The following CFI variants were observed in gnomAD, a reference collection of about 807,000 sequenced individuals.
CFI encodes C3B/C4B inactivator.
Under a neutral mutation model 78.8 loss-of-function variants are expected in CFI, and 66 were observed. The ratio of observed to expected loss-of-function variants is 0.84; its 90% CI spans 0.69 to 1.03. The LOEUF is 1.03. Among genes scored for constraint, CFI ranks in the 50% least tolerant of loss-of-function variants. The pLI is 0.00. For missense variants in CFI, 706 were observed against 704.5 expected, an observed-to-expected ratio of 1.00 and a Z score of -0.02; for synonymous variants, 250 against 232.6, an observed-to-expected ratio of 1.07 and a Z score of -0.68.
chr4:109,734,511 T>C, the CFI span, among the ~76,000 whole-genome samples: 1 of 152,088 alleles, frequency 6.6e-6, no homozygotes, highest in African/African-American at 2.4e-5. Context: ...GAATTAGAAA[T>C]GGCGATTACA....
chr4:109,752,278 A>G (rs1457614990), intron 8 of CFI, among the ~76,000 whole-genome samples, 190 bp downstream of exon 8: 1 of 152,208 alleles, frequency 6.6e-6, no homozygotes, highest in East Asian at 1.9e-4. Flanking sequence ...TTTAAAAGCA[A>G]TTCTCAAGAA....
intron 1 of CFI, among the ~76,000 whole-genome samples, chr4:109,772,099 A>G (rs1447867778): frequency 1.3e-5 from 2 of 152,284 alleles, no homozygotes; most frequent in African/African-American, 4.8e-5. Flanking sequence ...GTAAAGGATA[A>G]CACGAACACA....
chr4:109,764,717 C>A, intron 2 of CFI, 27 bp from the exon 3 acceptor site: 1 of 1,598,498 alleles, frequency 6.3e-7, no homozygotes, highest in Non-Finnish European at 8.5e-7. Flanking sequence ...AAATAATGTG[C>A]AATATGTAGC....
intron 1 of CFI, among the ~76,000 whole-genome samples, chr4:109,800,332 T>TTG (rs1732619776): frequency 1.5e-5 from 2 of 134,374 alleles, no homozygotes; most frequent in African/African-American, 5.8e-5. Context: ...TTTTTTTTTT[T>TTG]TTTTTTTTTT....
At chr4:109,777,546 C>A (rs1021388906) in intron 1 of CFI, among the ~76,000 whole-genome samples, 2 of 150,406 alleles carry the variant, frequency 1.3e-5, no homozygotes, top group African/African-American at 4.9e-5. Context: ...GACTTTAACA[C>A]CCCACTGTCA....
intron 1 of CFI, among the ~76,000 whole-genome samples, chr4:109,768,360 A>AC (rs1728082067): frequency 6.6e-6 from 1 of 151,708 alleles, no homozygotes; most frequent in Non-Finnish European, 1.5e-5. Flanking sequence ...AAAAGAAAAA[A>AC]AGAATCAGAC....
At chr4:109,738,014 GT>G (rs966501752), downstream of CFI, among the ~76,000 whole-genome samples, 3 of 152,084 alleles carry the variant, frequency 2.0e-5, no homozygotes, top group African/African-American at 4.8e-5. Flanking sequence ...CTAGGTCACT[GT>G]GCAGACTGGC....
At chr4:109,786,849 G>T (rs1381419699) in intron 1 of CFI, among the ~76,000 whole-genome samples, 1 of 152,042 alleles carries the variant, frequency 6.6e-6, no homozygotes, top group African/African-American at 2.4e-5. Flanking sequence ...TAATGATTTT[G>T]GTAGACTGCC....
At chr4:109,768,009 AT>A (rs1306563332) in intron 1 of CFI, among the ~76,000 whole-genome samples, 1 of 151,722 alleles carries the variant, frequency 6.6e-6, no homozygotes, top group East Asian at 1.9e-4. Context: ...GGAAACCATC[AT>A]TCTCAGCAAA....
intron 1 of CFI, among the ~76,000 whole-genome samples, chr4:109,795,734 A>G (rs1436823172): frequency 6.6e-6 from 1 of 152,200 alleles, no homozygotes; most frequent in Non-Finnish European, 1.5e-5. Flanking sequence ...AATTCAGTAG[A>G]GAGCTCATAC....
intron 1 of CFI, among the ~76,000 whole-genome samples, chr4:109,792,560 C>G (rs1731517938): frequency 6.6e-6 from 1 of 151,934 alleles, no homozygotes; most frequent in Non-Finnish European, 1.5e-5. Context: ...ATCTCAAAAA[C>G]AAAAACAAAA....
At chr4:109,732,499 T>C in the CFI span, among the ~76,000 whole-genome samples, 1 of 152,212 alleles carries the variant, frequency 6.6e-6, no homozygotes, top group South Asian at 2.1e-4. Context: ...CCACAGACTA[T>C]CTGTATAATT....
chr4:109,749,077 C>A, intron 10 of CFI, 141 bp downstream of exon 10: 1 of 843,042 alleles, frequency 1.2e-6, no homozygotes, highest in African/African-American at 1.7e-5. Flanking sequence ...ATTCCAGTCG[C>A]GAATACCAGA....
intron 1 of CFI, among the ~76,000 whole-genome samples, chr4:109,784,787 G>T (rs1294979513): frequency 6.6e-6 from 1 of 152,016 alleles, no homozygotes; most frequent in Non-Finnish European, 1.5e-5. Context: ...TATTTACTGT[G>T]CATGTTGCTC....
intron 6 of CFI, among the ~76,000 whole-genome samples, chr4:109,759,327 A>C (rs1335396051): frequency 6.6e-6 from 1 of 152,048 alleles, no homozygotes; most frequent in Non-Finnish European, 1.5e-5. Context: ...TTGATGAATA[A>C]AGAAGACTTT....
At chr4:109,773,684 T>C (rs1352116597) in intron 1 of CFI, among the ~76,000 whole-genome samples, 2 of 152,094 alleles carry the variant, frequency 1.3e-5, no homozygotes, top group African/African-American at 2.4e-5. Flanking sequence ...GTGGGAGGTA[T>C]GTTAAATAAG....
downstream of CFI, chr4:109,740,599 T>C: frequency 1.5e-5 from 6 of 398,830 alleles, no homozygotes; most frequent in South Asian, 1.3e-4. Flanking sequence ...CCCAACCTTA[T>C]GTAAGTCCAA....
At chr4:109,749,877 C>T (rs1467969554) in intron 8 of CFI, among the ~76,000 whole-genome samples, 2 of 152,184 alleles carry the variant, frequency 1.3e-5, no homozygotes, top group African/African-American at 4.8e-5. Context: ...ATTTACCAGC[C>T]TCTAGCTGAT....
At chr4:109,779,964 G>A (rs1729788852) in intron 1 of CFI, among the ~76,000 whole-genome samples, 1 of 148,504 alleles carries the variant, frequency 6.7e-6, no homozygotes, top group Non-Finnish European at 1.5e-5. Context: ...TCCTTATAAG[G>A]TGTATATTTA....
Sources: allele counts gnomAD v4.1 joint callset (sites outside exome capture counted in the v4.1 genomes callset), GRCh38; gene constraint gnomAD v4.1.1; transcripts MANE v1.5; gene names NCBI Gene and HGNC (gene_info 2026-07-23, HGNC 2026-07-21).